TSHZ2: variants seen among roughly 807,000 people sequenced by gnomAD.
The protein encoded by TSHZ2 is teashirt zinc finger homeobox 2, also known as teashirt homolog 2.
A neutral mutation model predicts 74.4 loss-of-function variants in TSHZ2; 21 were observed. The observed-to-expected ratio is 0.28, with a 90% CI of 0.20 to 0.41. The LOEUF (loss-of-function observed/expected upper bound fraction) is 0.41, where lower values mean the gene tolerates loss of function less well. TSHZ2 is among the 10% of genes least tolerant of loss of function. The pLI, the probability that TSHZ2 is intolerant of heterozygous loss-of-function variation, is 1.00. For synonymous variants in TSHZ2, 540 were observed against 515.3 expected (o/e 1.05, Z -0.65); for missense variants, 1,244 against 1,293.5 (o/e 0.96, Z 0.59).
chr20:53,436,536 A>ATTT lies in TSHZ2; in HGVS notation c.*9-50606_*9-50605insTTT, dbSNP rs71194478. Among the ~76,000 whole-genome samples, 141 of 83,482 alleles carry ATTT rather than the reference A, an allele frequency of 1.7e-3. 8 individuals are homozygous for ATTT. The highest frequency in any genetic ancestry group is 7.2e-3 in the Middle Eastern group (1 of 138). The allele number at this position is 83,482 out of a possible 152,430, so 54.8% of individuals were successfully genotyped here. On this transcript the variant is annotated intron_variant, in intron 2 of 2. Coordinates refer to ENST00000371497, the MANE Select transcript of TSHZ2 (RefSeq NM_173485.6). Reference sequence around the variant, plus strand: ...CTTATTTTATTTATTTATTATTATTATTATTATTATTATTTTTTTTTTTTT... The same window carrying ATTT: ...CTTATTTTATTTATTTATTATTATTATTTTTATTATTATTATTTTTTTTTTTTT...
At chr20:53,326,436 G>A (rs1462112681) in intron 2 of TSHZ2, among the ~76,000 whole-genome samples, 1 of 152,214 alleles carries the variant, frequency 6.6e-6, no homozygotes. Context: ...CTTATCACTT[G>A]TAATTTAGTC....
intron 2 of TSHZ2, among the ~76,000 whole-genome samples, chr20:53,408,861 G>A (rs375858378): frequency 2.6e-5 from 4 of 152,274 alleles, no homozygotes; most frequent in South Asian, 4.2e-4. Flanking sequence ...GTGATCTCAC[G>A]ATGGTGCAAT....
chr20:53,356,981 A>G (rs1980870391), intron 2 of TSHZ2, among the ~76,000 whole-genome samples: 1 of 152,058 alleles, frequency 6.6e-6, no homozygotes, highest in African/African-American at 2.4e-5. Flanking sequence ...GTGTGTGTGC[A>G]TTTTTCTCAA....
intron 2 of TSHZ2, among the ~76,000 whole-genome samples, chr20:53,351,684 A>G (rs548474741): frequency 6.6e-6 from 1 of 152,338 alleles, no homozygotes; most frequent in African/African-American, 2.4e-5. Context: ...CTAAAGTGTC[A>G]AGTCAGTTCA....
At chr20:53,298,489 A>G (rs77276265) in intron 2 of TSHZ2, among the ~76,000 whole-genome samples, 1 of 152,152 alleles carries the variant, frequency 6.6e-6, no homozygotes, top group Non-Finnish European at 1.5e-5. Flanking sequence ...CTGGCTTCAG[A>G]GATCTGGGGA....
intron 1 of TSHZ2, among the ~76,000 whole-genome samples, chr20:53,205,147 C>T (rs752305778): frequency 1.3e-5 from 2 of 151,350 alleles, no homozygotes; most frequent in Admixed American, 6.6e-5. Context: ...ATCACGTGAG[C>T]GATTCAATTC....
intron 2 of TSHZ2, among the ~76,000 whole-genome samples, chr20:53,376,550 C>G (rs1299703975): frequency 6.6e-6 from 1 of 152,210 alleles, no homozygotes; most frequent in East Asian, 1.9e-4. Context: ...AGGAGTTGAC[C>G]TGACTCAGCT....
chr20:53,484,652 C>G (rs781654854), intron 2 of TSHZ2, among the ~76,000 whole-genome samples: 7 of 152,156 alleles, frequency 4.6e-5, no homozygotes, highest in Non-Finnish European at 1.0e-4. Context: ...TCCCAAGGTG[C>G]TGGGATTACA....
At position 53,274,345 on chromosome 20, in the gene TSHZ2, C is replaced by T. The variant is rs1376101581; in HGVS notation, c.*8+17774C>T. Among the ~76,000 whole-genome samples, 4 of 152,294 alleles carry T rather than the reference C, an allele frequency of 2.6e-5. 1 individual carries two copies. The highest frequency in any genetic ancestry group is 6.8e-3 in the Middle Eastern group (2 of 294). On this transcript the variant is annotated intron_variant, in intron 2 of 2. Coordinates refer to ENST00000371497, the MANE Select transcript of TSHZ2 (RefSeq NM_173485.6). ...TACGAAGTGTAAAGACAAAAGGTCC[C>T]GCTGTGCTCGCCTTCCTATTTTTCA...
chr20:53,211,099 T>G (rs752545862), intron 1 of TSHZ2, among the ~76,000 whole-genome samples: 4 of 152,222 alleles, frequency 2.6e-5, no homozygotes, highest in African/African-American at 7.2e-5. Flanking sequence ...TGATTTGCTA[T>G]GTATGCCAGA....
intron 1 of TSHZ2, among the ~76,000 whole-genome samples, chr20:52,995,823 T>C (rs1337476472): frequency 6.6e-6 from 1 of 151,770 alleles, no homozygotes; most frequent in Non-Finnish European, 1.5e-5. Flanking sequence ...GGTTTTGCCA[T>C]GTTGGCCAGG....
At chr20:53,287,093 G>A (rs1174772399) in intron 2 of TSHZ2, among the ~76,000 whole-genome samples, 1 of 151,802 alleles carries the variant, frequency 6.6e-6, no homozygotes, top group Non-Finnish European at 1.5e-5. Context: ...ACAAAAGAGG[G>A]GCACCCAGTC....
intron 1 of TSHZ2, among the ~76,000 whole-genome samples, chr20:53,015,438 A>T (rs1268671448): frequency 2.0e-5 from 3 of 152,118 alleles, no homozygotes; most frequent in Non-Finnish European, 1.5e-5. Flanking sequence ...GTTCTACAAT[A>T]CACAGAACAC....
At chr20:53,304,554 G>T (rs1015268739) in intron 2 of TSHZ2, among the ~76,000 whole-genome samples, 1 of 152,068 alleles carries the variant, frequency 6.6e-6, no homozygotes, top group African/African-American at 2.4e-5. Context: ...AAAATTGCCT[G>T]CCCCAAACCT....
chr20:53,205,841 C>T (rs774861022), intron 1 of TSHZ2, among the ~76,000 whole-genome samples: 3 of 152,212 alleles, frequency 2.0e-5, no homozygotes, highest in Non-Finnish European at 2.9e-5. Context: ...TAATCCTGAG[C>T]ACTGATCGTG....
intron 1 of TSHZ2, among the ~76,000 whole-genome samples, chr20:53,036,985 T>A (rs1983846781): frequency 6.6e-6 from 1 of 152,136 alleles, no homozygotes; most frequent in African/African-American, 2.4e-5. Context: ...AATATTTCAC[T>A]TTTTAAGTTG....
chr20:53,399,244 AAG>A (rs1255983299), intron 2 of TSHZ2: 12 of 152,200 alleles, frequency 7.9e-5, no homozygotes, highest in African/African-American at 2.7e-4. Context: ...TATGGAAATA[AAG>A]GACGAGTCTT....
In TSHZ2 at chr20:53,239,654, C is replaced by T. The variant is rs148726378; in HGVS notation, c.41-13845C>T. On this transcript the variant is annotated intron_variant, in intron 1 of 2. Coordinates refer to ENST00000371497, the MANE Select transcript of TSHZ2 (RefSeq NM_173485.6). The stretch of plus-strand genomic sequence containing the variant: ...TAACAATGGATTTGGTGCTTAACTG[C>T]GAGCAGCAATCCCAAATTTTACAGT... Among the ~76,000 whole-genome samples, 774 of 152,092 alleles carry T rather than the reference C, an allele frequency of 5.1e-3. 5 individuals are homozygous for T. Among genetic ancestry groups the T allele is most frequent in the Admixed American group, 8.4e-3 (128 of 15,270 alleles).
rs1190282573 is a variant in TSHZ2, at chr20:53,098,579, TG to T, written c.40+125248del. On this transcript the variant is annotated intron_variant, in intron 1 of 2. Transcript: ENST00000371497. ...AAATGTTTAATGTGTAGAATTTTTT[TG>T]GTCCCATTTGAATCCACTGTGTGAT... Among the ~76,000 whole-genome samples the T allele has an allele frequency of 2.6e-5, 4 of 152,230 alleles. No homozygotes were observed. In the East Asian group the frequency reaches 7.7e-4, roughly 29 times the overall value.
Sources: allele counts gnomAD v4.1 joint callset (sites outside exome capture counted in the v4.1 genomes callset), GRCh38; gene constraint gnomAD v4.1.1; transcripts MANE v1.5; gene names NCBI Gene and HGNC (gene_info 2026-07-23, HGNC 2026-07-21).